LYST: variants seen among roughly 807,000 people sequenced by gnomAD.
LYST encodes the protein lysosomal-trafficking regulator.
LYST carries 192 observed loss-of-function variants against 413.6 expected under a neutral mutation model. The ratio of observed to expected loss-of-function variants is 0.46; its 90% CI spans 0.41 to 0.52. The LOEUF is 0.52. Ranked by LOEUF, LYST falls within the 20% of genes least tolerant of loss-of-function variation. The pLI is 0.00. For synonymous variants in LYST, 1,525 were observed against 1,567.3 expected (o/e 0.97, Z 0.64); for missense variants, 3,815 against 4,499.9 (o/e 0.85, Z 4.35).
At chr1:235,668,443 G>T (rs536126221) in intron 50 of LYST, among the ~76,000 whole-genome samples, 192 of 152,084 alleles carry the variant, frequency 1.3e-3, no homozygotes, top group Non-Finnish European at 1.7e-3. Flanking sequence ...TGTATCAAGA[G>T]ACCTTAAAAA....
intron 1 of LYST, among the ~76,000 whole-genome samples, chr1:235,880,297 T>C (rs1234231973): frequency 6.6e-6 from 1 of 152,238 alleles, no homozygotes; most frequent in Non-Finnish European, 1.5e-5. Flanking sequence ...AGGCTTGCCT[T>C]ATACTGCCTT....
At chr1:235,863,996 C>T (rs1056904316) in intron 1 of LYST, among the ~76,000 whole-genome samples, 1 of 152,166 alleles carries the variant, frequency 6.6e-6, no homozygotes, top group Non-Finnish European at 1.5e-5. Context: ...TCCTCATCCT[C>T]CACCATTCCC....
rs952079652 is a variant in LYST at position 235,720,871 on chromosome 1, T to C, written c.9350A>G (p.Asn3117Ser). 1 of 1,613,748 alleles carries C rather than the reference T, an allele frequency of 6.2e-7. No individual in the cohort carries two copies. The highest frequency in any genetic ancestry group is 1.3e-5 in the African/African-American group (1 of 75,036). ...ATATTCCAGAAGATTAGGGAGGTTATTTGTGAGTATATTGTGGTATACATC... is the reference window on the plus strand; with the variant it reads ...ATATTCCAGAAGATTAGGGAGGTTACTTGTGAGTATATTGTGGTATACATC... Reference protein sequence around the residue: ...RDDVYHNILTNNLPNLLEYGN... With the variant: ...RDDVYHNILTSNLPNLLEYGN... Residue 3117 changes from asparagine (N) to serine (S), a missense_variant, in exon 40 of 53, where the codon AAT becomes AGT. By Grantham distance (46) the Asn-to-Ser change is conservative. Coordinates refer to ENST00000389793, the MANE Select transcript of LYST (RefSeq NM_000081.4).
intron 11 of LYST, among the ~76,000 whole-genome samples, chr1:235,792,349 C>G (rs1461614947): frequency 1.3e-5 from 2 of 151,896 alleles, no homozygotes; most frequent in East Asian, 1.9e-4. Context: ...GAGTCTCACT[C>G]TGTTGCCCAG....
intron 33 of LYST, 59 bp from the exon 34 acceptor site, chr1:235,733,750 A>G (rs1448872736): frequency 3.3e-6 from 5 of 1,516,526 alleles, no homozygotes; most frequent in South Asian, 1.1e-5. Context: ...TTATCAGAAC[A>G]TGATACTTTA....
upstream of LYST, among the ~76,000 whole-genome samples, chr1:235,868,394 G>T (rs1316761059): frequency 1.3e-5 from 2 of 152,042 alleles, no homozygotes; most frequent in African/African-American, 4.8e-5. Context: ...AACTTAACCT[G>T]TTTCGTCATT....
At chr1:235,787,499 G>A (rs1043389201) in intron 13 of LYST, 126 bp from the exon 14 acceptor site, 2 of 813,766 alleles carry the variant, frequency 2.5e-6, no homozygotes, top group Non-Finnish European at 4.1e-6. Flanking sequence ...TTTTTAAAGT[G>A]CTTGAAAAGT....
intron 24 of LYST, 100 bp downstream of exon 24, chr1:235,757,181 G>A: frequency 1.4e-6 from 1 of 720,064 alleles, no homozygotes. Context: ...AAATATAAAA[G>A]AGAGATTTAG....
At chr1:235,834,014 C>A (rs6692303) in intron 1 of LYST, among the ~76,000 whole-genome samples, 67,637 of 151,942 alleles carry the variant, frequency 0.45, 16,297 homozygotes, top group African/African-American at 0.61. Flanking sequence ...AATACTATCA[C>A]GACAAAAAGG....
chr1:235,661,650 A>G lies in LYST; in HGVS notation c.*1290T>C, dbSNP rs1378759874. The G allele has an allele frequency of 6.5e-6, 1 of 152,700 alleles. No individual in the cohort carries two copies. Among genetic ancestry groups the G allele is most frequent in the Non-Finnish European group, 1.5e-5 (1 of 68,048 alleles). 9.5% of individuals were successfully genotyped at this position (152,700 alleles called of 1,614,324 possible). A position where few individuals can be genotyped will look rare whatever the true frequency, so the allele number is the denominator to read the frequency against. On this transcript the variant is annotated 3_prime_UTR_variant, in exon 53 of 53. Transcript: ENST00000389793. Reference sequence around the variant, plus strand: ...TAGAAAGTCTGGAAGTTACAAAAGTAGTACTGTAAACACCATATGAATTAA... The same window carrying G: ...TAGAAAGTCTGGAAGTTACAAAAGTGGTACTGTAAACACCATATGAATTAA...
chr1:235,853,417 C>G (rs908733578), intron 1 of LYST, among the ~76,000 whole-genome samples: 1 of 151,652 alleles, frequency 6.6e-6, no homozygotes, highest in Admixed American at 6.6e-5. Flanking sequence ...CTGTATTATG[C>G]ATTTAAGCTA....
intron 3 of LYST, 36 bp from the exon 4 acceptor site, chr1:235,813,097 G>A (rs759091400): frequency 8.2e-7 from 1 of 1,225,474 alleles, no homozygotes; most frequent in South Asian, 1.2e-5. Flanking sequence ...CATGTTCTAA[G>A]GCGATAAGAC....
At chr1:235,733,471 A>G (rs1274001619) in intron 34 of LYST, 32 bp downstream of exon 34, 1 of 1,584,802 alleles carries the variant, frequency 6.3e-7, no homozygotes, top group Admixed American at 1.7e-5. Flanking sequence ...ATCTTCATGG[A>G]AGACAATTTT....
At chr1:235,871,716 G>C (rs146341184), upstream of LYST, among the ~76,000 whole-genome samples, 11 of 152,310 alleles carry the variant, frequency 7.2e-5, no homozygotes, top group East Asian at 2.1e-3. Context: ...CTCTGTAATT[G>C]AGTAGTCTCT....
chr1:235,804,816 C>T (rs1160801204), intron 6 of LYST, 151 bp from the exon 7 acceptor site: 4 of 585,586 alleles, frequency 6.8e-6, no homozygotes, highest in Non-Finnish European at 1.2e-5. Flanking sequence ...AAATATCTAG[C>T]TCTATACAAA....
chr1:235,813,120 A>G, intron 3 of LYST, 59 bp from the exon 4 acceptor site: 1 of 997,260 alleles, frequency 1.0e-6, no homozygotes, highest in Non-Finnish European at 1.6e-6. Flanking sequence ...ATCAGTTCCT[A>G]ATGTCTTGTC....
At chr1:235,729,743 T>C in intron 36 of LYST, 86 bp from the exon 37 acceptor site, 1 of 954,042 alleles carries the variant, frequency 1.0e-6, no homozygotes, top group Non-Finnish European at 1.7e-6. Context: ...AGTAAAAGAT[T>C]TCTGCAAAGC....
At chr1:235,733,965 T>C in intron 32 of LYST, 59 bp from the exon 33 acceptor site, 1 of 847,266 alleles carries the variant, frequency 1.2e-6, no homozygotes, top group Non-Finnish European at 1.8e-6. Flanking sequence ...CCTAACATTG[T>C]CACAGAGCCC....
chr1:235,831,968 A>G (rs938944773), intron 2 of LYST, among the ~76,000 whole-genome samples: 2 of 152,236 alleles, frequency 1.3e-5, no homozygotes, highest in Non-Finnish European at 2.9e-5. Context: ...TTCTTATCAC[A>G]TAAAATTTCC....
Sources: allele counts gnomAD v4.1 joint callset (sites outside exome capture counted in the v4.1 genomes callset), GRCh38; gene constraint gnomAD v4.1.1; transcripts MANE v1.5; gene names NCBI Gene and HGNC (gene_info 2026-07-23, HGNC 2026-07-21).